DROSHA: variants seen among roughly 807,000 people sequenced by gnomAD.
DROSHA encodes drosha ribonuclease III, also known as ribonuclease 3.
A neutral mutation model predicts 181.9 loss-of-function variants in DROSHA; 56 were observed. The ratio of observed to expected loss-of-function variants is 0.31; its 90% CI spans 0.25 to 0.38. The LOEUF (loss-of-function observed/expected upper bound fraction) is 0.38, where lower values mean the gene tolerates loss of function less well. Among genes scored for constraint, DROSHA ranks in the 10% least tolerant of loss-of-function variants. The pLI is 1.00. For synonymous variants in DROSHA, 524 were observed against 591.2 expected (o/e 0.89, Z 1.65); for missense variants, 1,218 against 1,743.5 (o/e 0.70, Z 5.37).
chr5:31,493,756 C>A (rs1386667663), intron 12 of DROSHA, among the ~76,000 whole-genome samples: 1 of 152,048 alleles, frequency 6.6e-6, no homozygotes, highest in Admixed American at 6.6e-5. Flanking sequence ...AGAAGGTCAA[C>A]CCCTCATAGC....
chr5:31,481,262 C>T (rs982261095), intron 16 of DROSHA, among the ~76,000 whole-genome samples: 3 of 152,070 alleles, frequency 2.0e-5, no homozygotes, highest in Non-Finnish European at 4.4e-5. Flanking sequence ...AAAGGGGAGT[C>T]TAATGAAAAG....
intron 12 of DROSHA, among the ~76,000 whole-genome samples, chr5:31,494,785 C>T (rs901648559): frequency 4.6e-5 from 7 of 152,082 alleles, no homozygotes; most frequent in African/African-American, 1.4e-4. Flanking sequence ...CGCCATTCTC[C>T]TGCCTCAGCC....
rs1647071605 is a variant in DROSHA, at chr5:31,421,254, G to A, written c.3525+18C>T. On this transcript the variant is annotated intron_variant, in intron 30 of 35. Coordinates refer to ENST00000344624, the MANE Select transcript of DROSHA (RefSeq NM_001382508.1). ...CTTTACAGCAATCTTATTGGAGGAA[G>A]TGATTTAACCAACTCACAGTTAAGT... 1 of 1,582,962 alleles carries A rather than the reference G, an allele frequency of 6.3e-7. No homozygotes were observed. Among genetic ancestry groups the A allele is most frequent in the Non-Finnish European group, 8.7e-7 (1 of 1,152,348 alleles).
At position 31,514,260 on chromosome 5, in the gene DROSHA, C is replaced by CACACAT. The variant is rs753924778; in HGVS notation, c.1290+727_1290+728insATGTGT. 7.9e-4 allele frequency among the ~76,000 whole-genome samples: 117 copies of CACACAT among 148,438 alleles called. 1 individual carries two copies. The highest frequency in any genetic ancestry group is 2.4e-3 in the African/African-American group (96 of 39,852). ...ACACACACACACACACACACACACA[C>CACACAT]ATACACATACACACTACAAACTGCA... On this transcript the variant is annotated intron_variant, in intron 8 of 35. Coordinates refer to ENST00000344624, the MANE Select transcript of DROSHA (RefSeq NM_001382508.1). This position sits in a 1 kb window ranked among gnomAD's most constrained non-coding sequence, Gnocchi z 4.4.
At chr5:31,423,039 T>G in intron 28 of DROSHA, 95 bp from the exon 29 acceptor site, 2 of 1,231,130 alleles carry the variant, frequency 1.6e-6, no homozygotes, top group Non-Finnish European at 2.1e-6. Flanking sequence ...AAATTCCTTC[T>G]CCCATGAGCA....
At chr5:31,516,144 T>C (rs1009964032) in intron 6 of DROSHA, among the ~76,000 whole-genome samples, 1 of 152,156 alleles carries the variant, frequency 6.6e-6, no homozygotes, top group Non-Finnish European at 1.5e-5. Flanking sequence ...TAGTCCCAGC[T>C]ACTCAGGAGG....
intron 28 of DROSHA, 40 bp downstream of exon 28, chr5:31,424,387 G>C (rs369580657): frequency 1.6e-5 from 25 of 1,580,188 alleles, no homozygotes; most frequent in Non-Finnish European, 2.1e-5. Flanking sequence ...TGAATAGCTG[G>C]AGTTATAAAG....
chr5:31,405,656 T>G, intron 35 of DROSHA, 21 bp downstream of exon 35: 3 of 1,540,816 alleles, frequency 1.9e-6, no homozygotes, highest in Non-Finnish European at 2.6e-6. Context: ...AACATAATTA[T>G]AGAAAAAAAA....
intron 16 of DROSHA, among the ~76,000 whole-genome samples, chr5:31,482,219 AGCT>A (rs1751108707): frequency 6.6e-6 from 1 of 152,230 alleles, no homozygotes; most frequent in South Asian, 2.1e-4. Context: ...TTATAGCAGC[AGCT>A]ATGTTTTACT....
In DROSHA at chr5:31,401,149, G is replaced by A. The variant is rs1739954352; in HGVS notation, c.*283C>T. ...GGAAAAACAGGATCTATTCCACATA[G>A]AATATGCTTCTTGAATTTTATTATT... is the stretch of plus-strand genomic sequence containing the variant. On this transcript the variant is annotated 3_prime_UTR_variant, in exon 36 of 36. Coordinates refer to ENST00000344624, the MANE Select transcript of DROSHA (RefSeq NM_001382508.1). 2.7e-6 allele frequency: 1 copy of A among 376,868 alleles called. No individual in the cohort carries two copies. The highest frequency in any genetic ancestry group is 3.8e-5 in the Admixed American group (1 of 26,466). 23.3% of individuals were successfully genotyped at this position (376,868 alleles called of 1,614,324 possible).
intron 9 of DROSHA, among the ~76,000 whole-genome samples, chr5:31,509,914 C>G (rs920411255): frequency 6.6e-6 from 1 of 151,706 alleles, no homozygotes; most frequent in African/African-American, 2.4e-5. Flanking sequence ...CTTAACAGGT[C>G]CAGAGTTTCA....
chr5:31,414,454 A>C (rs113668539), intron 30 of DROSHA, among the ~76,000 whole-genome samples: 59 of 152,354 alleles, frequency 3.9e-4, no homozygotes, highest in African/African-American at 1.4e-3. Flanking sequence ...CAAAAGATTT[A>C]GCACCAAGTT....
At chr5:31,434,408 T>G (rs573231836) in intron 25 of DROSHA, among the ~76,000 whole-genome samples, 1 of 152,332 alleles carries the variant, frequency 6.6e-6, no homozygotes, top group Non-Finnish European at 1.5e-5. Flanking sequence ...TAAGCAGTTT[T>G]ACATAGAGTT....
At chr5:31,415,331 A>C in intron 30 of DROSHA, among the ~76,000 whole-genome samples, 1 of 152,214 alleles carries the variant, frequency 6.6e-6, no homozygotes. Context: ...ACACAGCTCT[A>C]TTATAACAAG....
At chr5:31,415,723 A>T (rs1741867544) in intron 30 of DROSHA, among the ~76,000 whole-genome samples, 1 of 152,242 alleles carries the variant, frequency 6.6e-6, no homozygotes, top group Admixed American at 6.5e-5. Flanking sequence ...GGAGATTAGC[A>T]ACTATTTTTA....
chr5:31,412,806 A>G (rs1741473078), intron 30 of DROSHA, among the ~76,000 whole-genome samples: 1 of 152,214 alleles, frequency 6.6e-6, no homozygotes, highest in South Asian at 2.1e-4. Flanking sequence ...CACTAGCCTA[A>G]TATCTTGTAA....
intron 12 of DROSHA, among the ~76,000 whole-genome samples, chr5:31,493,970 T>C (rs894110621): frequency 4.0e-5 from 6 of 149,656 alleles, no homozygotes; most frequent in African/African-American, 1.3e-4. Context: ...TGTGTGTGTG[T>C]GTGTGTGTGT....
chr5:31,446,026 G>A (rs184872908), intron 23 of DROSHA, among the ~76,000 whole-genome samples: 2 of 152,258 alleles, frequency 1.3e-5, no homozygotes, highest in East Asian at 3.9e-4. Context: ...AAAATCCTAA[G>A]GAATCCACTA....
At chr5:31,414,613 C>T (rs1741737438) in intron 30 of DROSHA, among the ~76,000 whole-genome samples, 2 of 152,140 alleles carry the variant, frequency 1.3e-5, no homozygotes. Flanking sequence ...GAGTGGATGA[C>T]ATATAATCTA....
Sources: gnomAD v4.1 joint callset for allele counts (sites outside exome capture counted in the v4.1 genomes callset) on GRCh38, gnomAD v4.1.1 for gene constraint, Gnocchi (gnomAD v3.1) non-coding constraint, MANE v1.5 for transcripts, NCBI Gene and HGNC (gene_info 2026-07-23, HGNC 2026-07-21) for gene names.